Variants in DNAH17 observed in about 807,000 individuals in gnomAD.
DNAH17 encodes the protein dynein axonemal heavy chain 17.
In DNAH17, 376 loss-of-function variants were observed where a neutral mutation model predicts 485.6. The observed-to-expected ratio is 0.77, with a 90% CI of 0.71 to 0.84. The LOEUF (loss-of-function observed/expected upper bound fraction) is 0.84. DNAH17 is among the 40% of genes least tolerant of loss of function. The pLI is 0.00. For synonymous variants in DNAH17, 3,031 were observed against 2,405.9 expected (o/e 1.26, Z -7.60); for missense variants, 6,370 against 5,839.3 (o/e 1.09, Z -2.96).
chr17:78,499,271 G>A, intron 36 of DNAH17, 159 bp from the exon 37 acceptor site: 1 of 531,518 alleles, frequency 1.9e-6, no homozygotes, highest in East Asian at 3.3e-5. Flanking sequence ...AGGCAGGTCA[G>A]CTTACTGCCC....
At chr17:78,442,818 G>A (rs914420897) in intron 71 of DNAH17, among the ~76,000 whole-genome samples, 1 of 152,204 alleles carries the variant, frequency 6.6e-6, no homozygotes, top group African/African-American at 2.4e-5. Flanking sequence ...GGGTGGCCTG[G>A]CCTGCCCTCC....
At chr17:78,572,183 G>T (rs1222818228) in intron 3 of DNAH17, among the ~76,000 whole-genome samples, 3 of 152,150 alleles carry the variant, frequency 2.0e-5, no homozygotes, top group Non-Finnish European at 4.4e-5. Context: ...TTGTCACGGG[G>T]GTCTCACATA....
At chr17:78,572,012 C>T (rs1312984297) in intron 3 of DNAH17, among the ~76,000 whole-genome samples, 1 of 152,164 alleles carries the variant, frequency 6.6e-6, no homozygotes, top group Admixed American at 6.5e-5. Flanking sequence ...GATACCAGGG[C>T]CTGGAGGCGC....
rs981555097 is a variant in DNAH17 at position 78,444,860 on chromosome 17, T to C, written c.11335-63A>G. On this transcript the variant is annotated intron_variant, in intron 70 of 80. Transcript: ENST00000389840. ...CTTACCCGGGTCCCGAGAGCCTTCCTGTACAGTTCATTCAAGGAGGAGAGG... is the reference window on the plus strand; with the variant it reads ...CTTACCCGGGTCCCGAGAGCCTTCCCGTACAGTTCATTCAAGGAGGAGAGG... 3 of 1,460,772 alleles carry C rather than the reference T, an allele frequency of 2.1e-6. No homozygotes were observed. In the African/African-American group the frequency reaches 4.3e-5, roughly 21 times the overall value. 90.5% of individuals were successfully genotyped at this position (1,460,772 alleles called of 1,614,324 possible).
At chr17:78,530,546 C>T in intron 20 of DNAH17, 34 bp from the exon 21 acceptor site, 1 of 1,578,672 alleles carries the variant, frequency 6.3e-7, no homozygotes, top group South Asian at 1.2e-5. Flanking sequence ...CCTGTCATAG[C>T]CTGCAAGCCT....
At chr17:78,521,913 G>A (rs1015300237) in intron 25 of DNAH17, among the ~76,000 whole-genome samples, 2 of 152,160 alleles carry the variant, frequency 1.3e-5, no homozygotes, top group African/African-American at 4.8e-5. Flanking sequence ...TTGAACCCAG[G>A]AGACAGAGGT....
chr17:78,570,521 C>T, intron 6 of DNAH17, 149 bp from the exon 7 acceptor site: 2 of 1,059,074 alleles, frequency 1.9e-6, no homozygotes, highest in Non-Finnish European at 1.3e-6. Flanking sequence ...TAGGCCCACA[C>T]ATCTGATGGC....
At chr17:78,573,520 A>G (rs1014903404) in intron 2 of DNAH17, among the ~76,000 whole-genome samples, 2 of 151,346 alleles carry the variant, frequency 1.3e-5, no homozygotes, top group South Asian at 4.2e-4. Flanking sequence ...AATCATTTGA[A>G]CCTGGGAGGT....
chr17:78,449,304 T>C, intron 69 of DNAH17, 110 bp downstream of exon 69: 1 of 1,172,816 alleles, frequency 8.5e-7, no homozygotes, highest in Non-Finnish European at 1.2e-6. Flanking sequence ...GGGTTTGAAA[T>C]CACCAGGTTT....
chr17:78,519,766 C>T (rs1404168474), intron 25 of DNAH17, among the ~76,000 whole-genome samples: 35 of 152,164 alleles, frequency 2.3e-4, no homozygotes, highest in Admixed American at 2.3e-3. Flanking sequence ...AACAGACCAA[C>T]GTGAACAAGC....
intron 75 of DNAH17, 78 bp downstream of exon 75, chr17:78,433,931 GGGAGGGAAGGAGGGAGGGAA>G (rs1446695631): frequency 7.3e-5 from 63 of 863,070 alleles, no homozygotes; most frequent in Non-Finnish European, 9.6e-5. Flanking sequence ...GAAGGAAGGA[GGGAGGGAAGGAGGGAGGGAA>G]GGAGGGAGGG....
Position 78,482,378 on chromosome 17 carries a change from T to C in DNAH17, c.7650-1592A>G, listed in dbSNP as rs139959626. Reference sequence around the variant, plus strand: ...TTTGTGTGTTGGAAGTTGACGTCTGTTAGTTTCTAGTAATTCCTTGTATAT... The same window carrying C: ...TTTGTGTGTTGGAAGTTGACGTCTGCTAGTTTCTAGTAATTCCTTGTATAT... On this transcript the variant is annotated intron_variant, in intron 48 of 80. Transcript: ENST00000389840. Among the ~76,000 whole-genome samples the C allele has an allele frequency of 3.3e-4, 50 of 152,344 alleles. No homozygotes were observed. In the East Asian group the frequency reaches 9.2e-3, roughly 28 times the overall value.
At chr17:78,537,085 G>A (rs1241106906) in intron 19 of DNAH17, among the ~76,000 whole-genome samples, 1 of 151,618 alleles carries the variant, frequency 6.6e-6, no homozygotes, top group Non-Finnish European at 1.5e-5. Flanking sequence ...CGCTGAGGCA[G>A]GAGAATGGCT....
At chr17:78,512,060 G>A (rs1033179430) in intron 26 of DNAH17, among the ~76,000 whole-genome samples, 5 of 152,178 alleles carry the variant, frequency 3.3e-5, no homozygotes, top group Non-Finnish European at 7.4e-5. Context: ...ACAGTGTGGT[G>A]GGGGCGGAGC....
At chr17:78,436,820 G>A (rs534557574) in intron 74 of DNAH17, among the ~76,000 whole-genome samples, 1 of 150,410 alleles carries the variant, frequency 6.6e-6, no homozygotes, top group South Asian at 2.1e-4. Context: ...ACTCCAGCCT[G>A]GGTGACAGAG....
At position 78,424,127 on chromosome 17, in the gene DNAH17, C is replaced by G; in HGVS notation, c.13168G>C (p.Val4390Leu). Residue 4390 changes from valine (V) to leucine (L), a missense_variant, in exon 81 of 81, where the codon GTC becomes CTC. Coordinates refer to ENST00000389840, the MANE Select transcript of DNAH17 (RefSeq NM_173628.4). Reference protein sequence around the residue: ...EGARWDTQTGVIAEARLKELT... With the variant: ...EGARWDTQTGLIAEARLKELT... ...TCTTTCAGCCGCGCTTCAGCGATGACTCCAGTCTGGGTGTCCCAGCGAGCC... is the reference window on the plus strand; with the variant it reads ...TCTTTCAGCCGCGCTTCAGCGATGAGTCCAGTCTGGGTGTCCCAGCGAGCC... The G allele has an allele frequency of 1.2e-6, 2 of 1,612,972 alleles. No homozygotes were observed. Among genetic ancestry groups the G allele is most frequent in the East Asian group, 2.2e-5 (1 of 44,878 alleles).
At chr17:78,560,655 C>CAT in intron 13 of DNAH17, 85 bp downstream of exon 13, 1 of 1,381,892 alleles carries the variant, frequency 7.2e-7, no homozygotes, top group South Asian at 1.4e-5. Flanking sequence ...CATCGACCTC[C>CAT]ATAAATCCGT....
chr17:78,487,099 G>A (rs1165965513), intron 44 of DNAH17, among the ~76,000 whole-genome samples: 3 of 151,054 alleles, frequency 2.0e-5, no homozygotes, highest in African/African-American at 7.3e-5. Flanking sequence ...GTGCCAGACT[G>A]TTGGCCACAG....
rs767906363 is a variant in DNAH17 at position 78,551,659 on chromosome 17, A to T, written c.2288-21T>A. ...CACACCTAAAATGGAAATGTAGAGG[A>T]ATCTTACAAAATGAACAATTCAGGC... On this transcript the variant is annotated intron_variant, in intron 15 of 80. Transcript: ENST00000389840. 8 of 1,611,278 alleles carry T rather than the reference A, an allele frequency of 5.0e-6. No homozygotes were observed. The Middle Eastern group carries it at 4.9e-4, about 100-fold the overall frequency.
Sources: allele counts gnomAD v4.1 joint callset (sites outside exome capture counted in the v4.1 genomes callset), GRCh38; gene constraint gnomAD v4.1.1; transcripts MANE v1.5; gene names NCBI Gene and HGNC (gene_info 2026-07-23, HGNC 2026-07-21).